The following SYN1 variants were observed in gnomAD, a reference collection of about 807,000 sequenced individuals.
SYN1 encodes the protein synapsin-1.
Under a neutral mutation model 44.6 loss-of-function variants are expected in SYN1, and 8 were observed. The ratio of observed to expected loss-of-function variants is 0.18; its 90% confidence interval spans 0.11 to 0.32. The LOEUF is 0.32. Among genes scored for constraint, SYN1 ranks in the 10% least tolerant of loss-of-function variants. SYN1 has a pLI of 1.00. For synonymous variants in SYN1, 275 were observed against 280.1 expected (o/e 0.98, Z 0.18); for missense variants, 451 against 639.4 (o/e 0.71, Z 3.18).
chrX:47,605,239 C>G lies in SYN1; in HGVS notation c.668G>C (p.Cys223Ser), dbSNP rs796053398. 4 of 1,206,388 alleles carry G rather than the reference C, an allele frequency of 3.3e-6. No individual in the cohort carries two copies. The highest frequency in any genetic ancestry group is 4.5e-6 in the Non-Finnish European group (4 of 893,621). Residue 223 changes from cysteine (C) to serine (S), a missense_variant, in exon 4 of 13, where the codon TGT becomes TCT. Coordinates refer to ENST00000295987, the MANE Select transcript of SYN1 (RefSeq NM_006950.3). ...GTTACTTACCACCCAGGGCTTGTCA[C>G]AGAAGTTGTAGACAGAATGCAAGGA... is the stretch of plus-strand genomic sequence containing the variant. ...VNSLHSVYNF[C>S]DKPWVFAQMV...
intron 5 of SYN1, among the ~76,000 whole-genome samples, chrX:47,582,918 C>T (rs1246440028): frequency 1.2e-5 from 1 of 85,884 alleles, no homozygotes; most frequent in Non-Finnish European, 2.3e-5. Flanking sequence ...CCCAAATTCC[C>T]CCAACCCCTT....
intron 5 of SYN1, among the ~76,000 whole-genome samples, chrX:47,587,812 G>C (rs1365122837): frequency 1.8e-5 from 2 of 111,575 alleles, no homozygotes; most frequent in Non-Finnish European, 3.8e-5. Context: ...TGAGGCCCTT[G>C]GGAACTAGAA....
intron 5 of SYN1, among the ~76,000 whole-genome samples, chrX:47,578,661 C>G (rs1462688117): frequency 9.0e-6 from 1 of 111,600 alleles, no homozygotes; most frequent in Non-Finnish European, 1.9e-5. Flanking sequence ...TAGAGGAAAC[C>G]AGGTTGGACG....
chrX:47,586,445 A>T, intron 5 of SYN1: 1 of 1,163,110 alleles, frequency 8.6e-7, no homozygotes, highest in African/African-American at 1.8e-5. Context: ...CAGTGTTGAA[A>T]GCTGAGGAGA....
At chrX:47,594,733 T>TC (rs1440859340) in intron 5 of SYN1, among the ~76,000 whole-genome samples, 380 of 106,380 alleles carry the variant, frequency 3.6e-3, no homozygotes, top group Non-Finnish European at 5.4e-3. Flanking sequence ...TCTTTTCTTT[T>TC]TTTTTTTTTT....
At chrX:47,611,024 C>A (rs977338175) in intron 1 of SYN1, among the ~76,000 whole-genome samples, 22 of 111,196 alleles carry the variant, frequency 2.0e-4, no homozygotes, top group African/African-American at 7.2e-4. Flanking sequence ...TACAGTGGGT[C>A]TGGTGGGTCT....
intron 1 of SYN1, among the ~76,000 whole-genome samples, chrX:47,607,741 A>C (rs1268558458): frequency 2.8e-5 from 3 of 107,915 alleles, no homozygotes; most frequent in African/African-American, 3.4e-5. Flanking sequence ...AAAAAAAAAA[A>C]AAAACAAAAG....
intron 5 of SYN1, among the ~76,000 whole-genome samples, chrX:47,595,705 A>G (rs1229779310): frequency 8.9e-6 from 1 of 112,053 alleles, no homozygotes; most frequent in Non-Finnish European, 1.9e-5. Flanking sequence ...AGGGCCTTGA[A>G]GCAAGAACAT....
Position 47,619,383 on chromosome X carries a change from G to T in SYN1, c.346C>A (p.Leu116Met). ...AGRGGAASRV[L>M]LVIDEPHTDW... The stretch of plus-strand genomic sequence containing the variant: ...GTGTGCGGCTCGTCGATGACCAGCA[G>T]CACCCTGGAGGCGGCTCCCCCGCGG... The change falls in exon 1 of 13, where the codon CTG becomes ATG. Residue 116 changes from leucine (L) to methionine (M), a missense_variant. By Grantham distance (15) the Leu-to-Met change is conservative. Transcript: ENST00000295987. 8.4e-7 allele frequency: 1 copy of T among 1,196,005 alleles called. No homozygotes were observed.
chrX:47,586,275 G>A (rs1282871282), intron 5 of SYN1: 1 of 752,598 alleles, frequency 1.3e-6, no homozygotes, highest in Non-Finnish European at 1.6e-6. Flanking sequence ...CAGGCGACCT[G>A]CCTGACTGAC....
chrX:47,589,293 TCA>T (rs2057838923), intron 5 of SYN1, among the ~76,000 whole-genome samples: 1 of 24,619 alleles, frequency 4.1e-5, no homozygotes. Flanking sequence ...CAAGACTGTC[TCA>T]AAAAAAAAAA....
intron 1 of SYN1, among the ~76,000 whole-genome samples, chrX:47,617,648 C>T (rs1201050211): frequency 9.0e-6 from 1 of 110,810 alleles, no homozygotes; most frequent in Admixed American, 9.5e-5. Flanking sequence ...ACAGGCTCTC[C>T]TAGGGGTAAG....
chrX:47,617,694 C>A (rs928442652), intron 1 of SYN1, among the ~76,000 whole-genome samples: 3 of 111,783 alleles, frequency 2.7e-5, no homozygotes, highest in Admixed American at 9.4e-5. Flanking sequence ...ACAGGTCCTG[C>A]ATATGTGCTC....
intron 5 of SYN1, among the ~76,000 whole-genome samples, chrX:47,577,763 G>A (rs749169976): frequency 1.1e-4 from 12 of 109,499 alleles, no homozygotes; most frequent in Admixed American, 3.9e-4. Context: ...CTGCTTTCCC[G>A]GGCAGAGGCA....
intron 5 of SYN1, among the ~76,000 whole-genome samples, chrX:47,603,663 AC>A: frequency 9.0e-6 from 1 of 110,620 alleles, no homozygotes; most frequent in East Asian, 2.8e-4. Flanking sequence ...GGTAGTCTCC[AC>A]TGCATGCCAT....
chrX:47,577,721 C>T (rs759414188), intron 5 of SYN1, among the ~76,000 whole-genome samples: 4 of 111,028 alleles, frequency 3.6e-5, no homozygotes, highest in African/African-American at 1.3e-4. Context: ...TCCCTCACTC[C>T]ACCCCACCAA....
intron 5 of SYN1, among the ~76,000 whole-genome samples, chrX:47,595,217 T>A (rs762661004): frequency 4.5e-5 from 5 of 111,844 alleles, no homozygotes; most frequent in Non-Finnish European, 9.4e-5. Flanking sequence ...CATCTCTTCA[T>A]CTGTATCCTT....
intron 5 of SYN1, among the ~76,000 whole-genome samples, chrX:47,589,510 G>A (rs2057840575): frequency 1.9e-5 from 2 of 105,425 alleles, no homozygotes; most frequent in Admixed American, 2.1e-4. Flanking sequence ...GCAGGAGAAT[G>A]GCATGAACCT....
intron 5 of SYN1, chrX:47,585,726 C>T (rs1446472569): frequency 3.3e-6 from 4 of 1,195,345 alleles, no homozygotes; most frequent in Non-Finnish European, 3.4e-6. Context: ...TTCCCTAAAT[C>T]GTGGGCTTGT....
Sources: allele counts gnomAD v4.1 joint callset (sites outside exome capture counted in the v4.1 genomes callset), GRCh38; gene constraint gnomAD v4.1.1; transcripts MANE v1.5; gene names NCBI Gene and HGNC (gene_info 2026-07-23, HGNC 2026-07-21).